Variants in CLDN16 observed in about 807,000 individuals in gnomAD.
CLDN16 encodes the protein claudin 16.
CLDN16 carries 13 observed loss-of-function variants against 24.6 expected under a neutral mutation model. The observed-to-expected ratio is 0.53, with a 90% confidence interval of 0.34 to 0.84. CLDN16 has a LOEUF of 0.84. Ranked by LOEUF, CLDN16 falls within the 40% of genes least tolerant of loss-of-function variation. The pLI is 0.01. For missense variants in CLDN16, 298 were observed against 292.7 expected, an observed-to-expected ratio of 1.02 and a Z score of -0.13; for synonymous variants, 116 against 106.7, an observed-to-expected ratio of 1.09 and a Z score of -0.54.
intron 1 of CLDN16, among the ~76,000 whole-genome samples, chr3:190,348,379 G>A (rs1233091795): frequency 2.1e-5 from 3 of 143,514 alleles, no homozygotes; most frequent in Non-Finnish European, 4.5e-5. Flanking sequence ...TGTGTCTTTG[G>A]AAGATTATGT....
At chr3:190,359,915 T>C (rs1717850221) in intron 1 of CLDN16, among the ~76,000 whole-genome samples, 2 of 152,012 alleles carry the variant, frequency 1.3e-5, no homozygotes, top group South Asian at 2.1e-4. Flanking sequence ...TGAAGAAACA[T>C]GGATCTCGAG....
chr3:190,310,627 T>A, the CLDN16 span, among the ~76,000 whole-genome samples: 1 of 152,196 alleles, frequency 6.6e-6, no homozygotes, highest in East Asian at 1.9e-4. Flanking sequence ...GTAGAATTAC[T>A]TGCAAAAGGG....
At chr3:190,409,276 A>G (rs1339229990) in intron 4 of CLDN16, among the ~76,000 whole-genome samples, 1 of 151,826 alleles carries the variant, frequency 6.6e-6, no homozygotes, top group Non-Finnish European at 1.5e-5. Context: ...ACACATGTAT[A>G]TGTATGTATA....
Position 190,394,666 on chromosome 3 carries a change from C to T in CLDN16, c.114+6223C>T, listed in dbSNP as rs115797290. Among the ~76,000 whole-genome samples, 388 of 152,164 alleles carry T rather than the reference C, an allele frequency of 2.5e-3. 3 individuals carry two copies. The highest frequency in any genetic ancestry group is 9.1e-3 in the African/African-American group (378 of 41,524). On this transcript the variant is annotated intron_variant, in intron 1 of 4. Transcript: ENST00000264734. ...AATGTGAACTCATGATGCATTTGCT[C>T]ACATGAGTTGATAGAGCGCCTAGTA... is the stretch of plus-strand genomic sequence containing the variant.
intron 3 of CLDN16, among the ~76,000 whole-genome samples, chr3:190,381,603 C>G (rs913822112): frequency 6.6e-6 from 1 of 151,902 alleles, no homozygotes; most frequent in Admixed American, 6.6e-5. Flanking sequence ...GATTTAGCAC[C>G]AGTGTATTGG....
intron 1 of CLDN16, among the ~76,000 whole-genome samples, chr3:190,365,095 C>T (rs1424241623): frequency 6.6e-6 from 1 of 151,826 alleles, no homozygotes; most frequent in Non-Finnish European, 1.5e-5. Context: ...CTCTTTTTGG[C>T]TGTTTATCTC....
chr3:190,354,454 T>C (rs1367548638), intron 1 of CLDN16, among the ~76,000 whole-genome samples: 1 of 151,998 alleles, frequency 6.6e-6, no homozygotes, highest in African/African-American at 2.4e-5. Context: ...AAAAGGGATT[T>C]TGAAGACACA....
At chr3:190,408,991 T>A (rs1288580988) in intron 4 of CLDN16, among the ~76,000 whole-genome samples, 1 of 150,768 alleles carries the variant, frequency 6.6e-6, no homozygotes, top group East Asian at 2.0e-4. Flanking sequence ...TTGTAATACA[T>A]CAAAATAACT....
At chr3:190,391,244 T>G (rs886939779) in intron 1 of CLDN16, among the ~76,000 whole-genome samples, 3 of 150,968 alleles carry the variant, frequency 2.0e-5, no homozygotes, top group Admixed American at 6.6e-5. Context: ...TGGATGATGT[T>G]GGCACGGGAT....
chr3:190,369,176 A>G (rs979754382), intron 1 of CLDN16, among the ~76,000 whole-genome samples: 1 of 151,862 alleles, frequency 6.6e-6, no homozygotes, highest in African/African-American at 2.4e-5. Flanking sequence ...TAACTATTAA[A>G]TCCTGCTGCC....
chr3:190,333,591 T>C (rs1398308437), intron 1 of CLDN16, among the ~76,000 whole-genome samples: 1 of 151,272 alleles, frequency 6.6e-6, no homozygotes, highest in African/African-American at 2.4e-5. Context: ...TCAATCATCT[T>C]TCTATAAATC....
At chr3:190,346,781 T>A (rs770563516) in intron 1 of CLDN16, among the ~76,000 whole-genome samples, 15 of 152,134 alleles carry the variant, frequency 9.9e-5, no homozygotes, top group Admixed American at 2.0e-4. Context: ...TGCAGATCCA[T>A]CACCCCAGCC....
At chr3:190,313,031 A>T in the CLDN16 span, 1 of 1,614,162 alleles carries the variant, frequency 6.2e-7, no homozygotes, top group Non-Finnish European at 8.5e-7. Context: ...GTTGCTTGCA[A>T]TGTGCCTGGC....
In CLDN16 at chr3:190,410,985, G is replaced by A. The variant is rs1339171481; in HGVS notation, c.*949G>A. 1.3e-5 allele frequency: 2 copies of A among 152,172 alleles called. No individual in the cohort carries two copies. Among genetic ancestry groups the A allele is most frequent in the Non-Finnish European group, 2.9e-5 (2 of 68,046 alleles). 9.4% of individuals were successfully genotyped at this position (152,172 alleles called of 1,614,324 possible). On this transcript the variant is annotated 3_prime_UTR_variant, in exon 5 of 5. Transcript: ENST00000264734. Reference sequence around the variant, plus strand: ...TACTTAAAAAATCAATGTTGCGGCTGGGCACGGTAGCTCGCGTCTGTAATC... The same window carrying A: ...TACTTAAAAAATCAATGTTGCGGCTAGGCACGGTAGCTCGCGTCTGTAATC...
At chr3:190,402,534 T>C (rs566495939) in intron 2 of CLDN16, 95 bp downstream of exon 2, 4 of 932,410 alleles carry the variant, frequency 4.3e-6, no homozygotes, top group Non-Finnish European at 7.1e-6. Context: ...TCTATTGTAC[T>C]ATATTAAGGT....
chr3:190,312,766 G>C, the CLDN16 span: 2 of 1,279,256 alleles, frequency 1.6e-6, no homozygotes, highest in Admixed American at 1.7e-5. Context: ...TATGTTTGCA[G>C]TTTGCCTTAG....
At chr3:190,308,651 AT>A in the CLDN16 span, among the ~76,000 whole-genome samples, 2 of 152,216 alleles carry the variant, frequency 1.3e-5, no homozygotes, top group Non-Finnish European at 2.9e-5. Context: ...AGATCAGGAA[AT>A]AACACATGTA....
intron 1 of CLDN16, among the ~76,000 whole-genome samples, chr3:190,326,875 A>G (rs1236931342): frequency 3.3e-5 from 5 of 152,182 alleles, no homozygotes; most frequent in Non-Finnish European, 7.4e-5. Context: ...CACTTGTGTC[A>G]TTTGGGGAAG....
At chr3:190,404,150 A>C (rs1719030363) in intron 2 of CLDN16, among the ~76,000 whole-genome samples, 1 of 152,162 alleles carries the variant, frequency 6.6e-6, no homozygotes, top group South Asian at 2.1e-4. Flanking sequence ...AAGAAGAGTC[A>C]TGATTTAAAT....
Sources: allele counts gnomAD v4.1 joint callset (sites outside exome capture counted in the v4.1 genomes callset), GRCh38; gene constraint gnomAD v4.1.1; transcripts MANE v1.5; gene names NCBI Gene and HGNC (gene_info 2026-07-23, HGNC 2026-07-21).